ARHGAP10: variants seen among roughly 807,000 people sequenced by gnomAD.
ARHGAP10 encodes Rho GTPase activating protein 10, also known as rho GTPase-activating protein 10.
A neutral mutation model predicts 108.6 loss-of-function variants in ARHGAP10; 87 were observed. The ratio of observed to expected loss-of-function variants is 0.80; its 90% CI spans 0.67 to 0.96. ARHGAP10 has a LOEUF of 0.96. Among genes scored for constraint, ARHGAP10 ranks in the 40% least tolerant of loss-of-function variants. ARHGAP10 has a pLI of 0.00. For missense variants in ARHGAP10, 939 were observed against 954.5 expected, an observed-to-expected ratio of 0.98 and a Z score of 0.21; for synonymous variants, 347 against 341.1, an observed-to-expected ratio of 1.02 and a Z score of -0.19.
chr4:147,955,889 A>G (rs1738771747), intron 16 of ARHGAP10, among the ~76,000 whole-genome samples: 2 of 152,166 alleles, frequency 1.3e-5, no homozygotes, highest in African/African-American at 4.8e-5. Context: ...ACTGAATAAT[A>G]TACAATCAAA....
At chr4:147,929,770 A>C (rs1467567946) in intron 13 of ARHGAP10, among the ~76,000 whole-genome samples, 1 of 152,194 alleles carries the variant, frequency 6.6e-6, no homozygotes, top group Non-Finnish European at 1.5e-5. Context: ...AGAATATTTC[A>C]AGATTAGCTA....
chr4:148,022,680 A>C (rs922250569), intron 18 of ARHGAP10, among the ~76,000 whole-genome samples: 1 of 152,382 alleles, frequency 6.6e-6, no homozygotes, highest in East Asian at 1.9e-4. Flanking sequence ...TCTAGGTTTC[A>C]TAAATGAAAG....
intron 13 of ARHGAP10, among the ~76,000 whole-genome samples, chr4:147,935,069 G>C (rs1482377755): frequency 6.6e-6 from 1 of 152,170 alleles, no homozygotes; most frequent in Admixed American, 6.5e-5. Flanking sequence ...AAGAGAAGGG[G>C]AAGAGCATTC....
rs868866050 is a variant in ARHGAP10, at chr4:147,842,710, G to C, written c.313-4441G>C. Among the ~76,000 whole-genome samples, 12 of 152,154 alleles carry C rather than the reference G, an allele frequency of 7.9e-5. 1 individual carries two copies. Among genetic ancestry groups the C allele is most frequent in the Non-Finnish European group, 1.0e-4 (7 of 68,030 alleles). ...CCTTCAGGAAGTCTTCTCTTACCCA[G>C]GGGGCCTTCCTCCTCTGCTCCCCAG... On this transcript the variant is annotated intron_variant, in intron 3 of 22. Coordinates refer to ENST00000336498, the MANE Select transcript of ARHGAP10 (RefSeq NM_024605.4).
intron 21 of ARHGAP10, among the ~76,000 whole-genome samples, 181 bp from the exon 22 acceptor site, chr4:148,064,235 A>T (rs143559022): frequency 2.0e-4 from 30 of 151,960 alleles, no homozygotes; most frequent in African/African-American, 7.2e-4. Flanking sequence ...GAAACCCATC[A>T]TTTACTTGAA....
intron 1 of ARHGAP10, among the ~76,000 whole-genome samples, chr4:147,771,371 T>C (rs1461230156): frequency 6.6e-6 from 1 of 152,228 alleles, no homozygotes; most frequent in Non-Finnish European, 1.5e-5. Context: ...GTGGGTTATC[T>C]GTAATATTTT....
intron 18 of ARHGAP10, among the ~76,000 whole-genome samples, chr4:148,013,390 G>A (rs1741236031): frequency 6.6e-6 from 1 of 152,168 alleles, no homozygotes; most frequent in Admixed American, 6.5e-5. Flanking sequence ...AGAATGAAGA[G>A]GTCCATGGCT....
chr4:147,935,442 A>T (rs1399401593), intron 13 of ARHGAP10, among the ~76,000 whole-genome samples: 1 of 152,254 alleles, frequency 6.6e-6, no homozygotes, highest in Non-Finnish European at 1.5e-5. Flanking sequence ...TGTGTTGAAG[A>T]GGCAGACATT....
In ARHGAP10 at chr4:147,947,943, G is replaced by GTTT. The variant is rs35309386; in HGVS notation, c.1391+1253_1391+1255dup. On this transcript the variant is annotated intron_variant, in intron 15 of 22. Coordinates refer to ENST00000336498, the MANE Select transcript of ARHGAP10 (RefSeq NM_024605.4). Reference sequence around the variant, plus strand: ...TTCATTAATCTTCCTACCTGCCACTGTTTTTTTTTTTTTTTTGAGACAGAG... The same window carrying GTTT: ...TTCATTAATCTTCCTACCTGCCACTGTTTTTTTTTTTTTTTTTTTGAGACAGAG... Among the ~76,000 whole-genome samples, 114 of 118,006 alleles carry GTTT rather than the reference G, an allele frequency of 9.7e-4. 1 individual carries two copies. Among genetic ancestry groups the GTTT allele is most frequent in the African/African-American group, 2.8e-3 (99 of 35,996 alleles). The allele number at this position is 118,006 out of a possible 152,430, so 77.4% of individuals were successfully genotyped here.
chr4:148,063,245 T>G lies in ARHGAP10; in HGVS notation c.2125T>G (p.Ser709Ala), dbSNP rs757410535. The G allele has an allele frequency of 8.1e-6, 13 of 1,613,940 alleles. No individual in the cohort carries two copies. Among genetic ancestry groups the G allele is most frequent in the Non-Finnish European group, 1.1e-5 (13 of 1,180,018 alleles). The stretch of plus-strand genomic sequence containing the variant: ...AGCTGTGACACCTCTTTCACCCGGG[T>G]CGTCCCCTTTCCCCTTTTCTCCTCC... ...NSAVTPLSPGSSPFPFSPPAT... is the reference protein window; with the variant it reads ...NSAVTPLSPGASPFPFSPPAT... Residue 709 changes from serine (S) to alanine (A), a missense_variant, in exon 21 of 23, where the codon TCG becomes GCG. Coordinates refer to ENST00000336498, the MANE Select transcript of ARHGAP10 (RefSeq NM_024605.4).
intron 1 of ARHGAP10, among the ~76,000 whole-genome samples, chr4:147,783,449 G>A (rs935927836): frequency 1.2e-4 from 15 of 125,092 alleles, no homozygotes; most frequent in African/African-American, 3.2e-4. Context: ...AATTTATATA[G>A]CACACATTAA....
chr4:147,849,463 A>G (rs1185350730), intron 4 of ARHGAP10, among the ~76,000 whole-genome samples: 1 of 152,236 alleles, frequency 6.6e-6, no homozygotes, highest in East Asian at 1.9e-4. Context: ...GATACTTCAA[A>G]AAGACTTTAC....
intron 10 of ARHGAP10, among the ~76,000 whole-genome samples, chr4:147,901,494 CT>C (rs1417578337): frequency 7.2e-5 from 11 of 152,162 alleles, no homozygotes; most frequent in Admixed American, 7.2e-4. Flanking sequence ...GAATTCTTTC[CT>C]TGTGAATGAT....
chr4:147,952,739 G>A (rs1314293127), intron 15 of ARHGAP10, among the ~76,000 whole-genome samples: 2 of 152,062 alleles, frequency 1.3e-5, no homozygotes, highest in African/African-American at 2.4e-5. Flanking sequence ...GTCTTTCAAA[G>A]AGAAGTTTTA....
intron 13 of ARHGAP10, among the ~76,000 whole-genome samples, chr4:147,936,408 A>G (rs1737940209): frequency 7.4e-6 from 1 of 135,058 alleles, no homozygotes; most frequent in Non-Finnish European, 1.5e-5. Flanking sequence ...GGCTCACTGC[A>G]AGCTCCGCTT....
At chr4:147,854,871 T>C in intron 4 of ARHGAP10, 1 of 985,410 alleles carries the variant, frequency 1.0e-6, no homozygotes, top group African/African-American at 1.7e-5. Context: ...TTGTTGTTTC[T>C]TGGCTAAATT....
intron 13 of ARHGAP10, among the ~76,000 whole-genome samples, chr4:147,930,433 A>G (rs1737632614): frequency 6.6e-6 from 1 of 152,224 alleles, no homozygotes; most frequent in Admixed American, 6.5e-5. Context: ...TATTAAGAAT[A>G]TGGAGCTATC....
At chr4:148,031,631 T>C (rs1457192315) in intron 19 of ARHGAP10, among the ~76,000 whole-genome samples, 1 of 152,254 alleles carries the variant, frequency 6.6e-6, no homozygotes, top group Admixed American at 6.5e-5. Context: ...CTCTGTGCAT[T>C]TCTAACAATG....
At chr4:148,009,061 A>G (rs1741065185) in intron 18 of ARHGAP10, among the ~76,000 whole-genome samples, 1 of 152,230 alleles carries the variant, frequency 6.6e-6, no homozygotes, top group Non-Finnish European at 1.5e-5. Context: ...TCAACAGATA[A>G]TCCACATGAT....
Sources: allele counts gnomAD v4.1 joint callset (sites outside exome capture counted in the v4.1 genomes callset), GRCh38; gene constraint gnomAD v4.1.1; transcripts MANE v1.5; gene names NCBI Gene and HGNC (gene_info 2026-07-23, HGNC 2026-07-21).